Variants in CRIM1 observed in about 807,000 individuals in gnomAD.
CRIM1 encodes cysteine rich transmembrane BMP regulator 1, also known as cysteine-rich motor neuron 1 protein.
In CRIM1, 32 loss-of-function variants were observed where a neutral mutation model predicts 116.4. The ratio of observed to expected loss-of-function variants is 0.27; its 90% CI spans 0.21 to 0.37. CRIM1 has a LOEUF of 0.37. CRIM1 is among the 10% of genes least tolerant of loss of function. The pLI, the probability that CRIM1 is intolerant of heterozygous loss-of-function variation, is 1.00. For missense variants in CRIM1, 1,331 were observed against 1,354.8 expected, an observed-to-expected ratio of 0.98 and a Z score of 0.28; for synonymous variants, 590 against 509.2, an observed-to-expected ratio of 1.16 and a Z score of -2.13.
At chr2:36,427,480 A>C (rs1270500422) in intron 2 of CRIM1, among the ~76,000 whole-genome samples, 1 of 152,192 alleles carries the variant, frequency 6.6e-6, no homozygotes, top group East Asian at 1.9e-4. Flanking sequence ...AGGGTCTTGT[A>C]GACAGAAAGC....
chr2:36,535,783 T>C (rs1666503055), intron 13 of CRIM1, among the ~76,000 whole-genome samples: 2 of 152,154 alleles, frequency 1.3e-5, no homozygotes, highest in Non-Finnish European at 2.9e-5. Flanking sequence ...TCCTTATCCA[T>C]AACCACAGAT....
At position 36,378,806 on chromosome 2, in the gene CRIM1, G is replaced by GGT. The variant is rs1553368331; in HGVS notation, c.332-17808_332-17807insGT. The stretch of plus-strand genomic sequence containing the variant: ...GATGGGAGTTTTTTTGTTGTTTTCG[G>GGT]TTTTTTTTTTTTTTTTTTTTGAGAC... On this transcript the variant is annotated intron_variant, in intron 1 of 16. Transcript: ENST00000280527. 51 of 118,918 alleles carry GGT rather than the reference G, an allele frequency of 4.3e-4. 3 individuals carry two copies. Among genetic ancestry groups the GGT allele is most frequent in the South Asian group, 8.1e-4 (3 of 3,704 alleles). The allele number at this position is 118,918 out of a possible 1,614,324, so 7.4% of individuals were successfully genotyped here. A position where few individuals can be genotyped will look rare whatever the true frequency, so the allele number is the denominator to read the frequency against.
chr2:36,453,635 C>T (rs922245165), intron 4 of CRIM1, among the ~76,000 whole-genome samples: 2 of 152,160 alleles, frequency 1.3e-5, no homozygotes, highest in South Asian at 2.1e-4. Context: ...ATGTGCCAGG[C>T]ATTGGGCTAC....
At chr2:36,531,654 G>C (rs535678712) in intron 13 of CRIM1, among the ~76,000 whole-genome samples, 3 of 152,266 alleles carry the variant, frequency 2.0e-5, no homozygotes, top group African/African-American at 7.2e-5. Context: ...AAAGAGGTAA[G>C]ATAATGAAGT....
At chr2:36,417,529 T>G (rs1039961062) in intron 2 of CRIM1, among the ~76,000 whole-genome samples, 4 of 152,206 alleles carry the variant, frequency 2.6e-5, no homozygotes, top group African/African-American at 9.6e-5. Flanking sequence ...CTCAATCTAT[T>G]TCATTTCAGG....
chr2:36,374,112 T>C lies in CRIM1; in HGVS notation c.331+17489T>C, dbSNP rs116113001. Among the ~76,000 whole-genome samples the C allele has an allele frequency of 2.2e-3, 336 of 152,282 alleles. 1 individual carries two copies. Among genetic ancestry groups the C allele is most frequent in the Middle Eastern group, 0.01 (3 of 294 alleles). On this transcript the variant is annotated intron_variant, in intron 1 of 16. Coordinates refer to ENST00000280527, the MANE Select transcript of CRIM1 (RefSeq NM_016441.3). ...ATACTATGTGTCAAGAAAGGTAGAC[T>C]CAAAAAGGATTGATGCAGATATTCC...
At chr2:36,528,144 AAC>A (rs1457661592) in intron 13 of CRIM1, among the ~76,000 whole-genome samples, 1 of 152,248 alleles carries the variant, frequency 6.6e-6, no homozygotes, top group Admixed American at 6.5e-5. Flanking sequence ...CTGCTCTCGT[AAC>A]ACAGATTGCA....
At chr2:36,365,700 C>A (rs1358169259) in intron 1 of CRIM1, among the ~76,000 whole-genome samples, 1 of 151,124 alleles carries the variant, frequency 6.6e-6, no homozygotes, top group Non-Finnish European at 1.5e-5. Flanking sequence ...GGGTATGGTC[C>A]CATTTTAGGA....
chr2:36,537,239 A>G (rs1666611633), intron 13 of CRIM1, 113 bp from the exon 14 acceptor site: 1 of 976,912 alleles, frequency 1.0e-6, no homozygotes. Context: ...CAAGTTCCAG[A>G]AGTCCTAAAG....
rs115877719 is a variant in CRIM1, at chr2:36,364,449, T to C, written c.331+7826T>C. On this transcript the variant is annotated intron_variant, in intron 1 of 16. Transcript: ENST00000280527. The stretch of plus-strand genomic sequence containing the variant: ...AAAGCAGACAATTCATTACAATCAG[T>C]TCAGTAAGCCATGAGATAACGGAAA... Among the ~76,000 whole-genome samples the C allele has an allele frequency of 5.1e-3, 780 of 152,266 alleles. 9 individuals are homozygous for C. The highest frequency in any genetic ancestry group is 0.018 in the African/African-American group (736 of 41,544).
intron 1 of CRIM1, among the ~76,000 whole-genome samples, chr2:36,360,426 C>T (rs1669143245): frequency 6.6e-6 from 1 of 152,174 alleles, no homozygotes; most frequent in African/African-American, 2.4e-5. Context: ...CCATCTTTTT[C>T]ACCATTGCTA....
At chr2:36,500,791 AGAGTT>A (rs1159377548) in intron 8 of CRIM1, among the ~76,000 whole-genome samples, 1 of 152,368 alleles carries the variant, frequency 6.6e-6, no homozygotes, top group Non-Finnish European at 1.5e-5. Flanking sequence ...TACCTTGAGT[AGAGTT>A]ATTTAGCTGA....
intron 8 of CRIM1, among the ~76,000 whole-genome samples, chr2:36,500,709 T>C (rs894402340): frequency 6.6e-6 from 1 of 152,178 alleles, no homozygotes; most frequent in African/African-American, 2.4e-5. Context: ...TAAAATAAAC[T>C]GCACAGAACC....
intron 2 of CRIM1, among the ~76,000 whole-genome samples, chr2:36,397,781 T>G (rs1672131747): frequency 6.6e-6 from 1 of 152,210 alleles, no homozygotes; most frequent in African/African-American, 2.4e-5. Context: ...TTTCTCTTTG[T>G]ATTTACCAGT....
chr2:36,468,871 C>G (rs151329995), intron 5 of CRIM1, among the ~76,000 whole-genome samples: 11 of 152,092 alleles, frequency 7.2e-5, no homozygotes, highest in African/African-American at 2.7e-4. Context: ...ATTTGTCCAA[C>G]GTATATACAC....
rs377055478 is a variant in CRIM1 at position 36,360,632 on chromosome 2, G to A, written c.331+4009G>A. ...TTTCTTTGCTTATCCCTGGAAGACA[G>A]TCAGTGAAGATGATGGCTGCTTGGA... is the stretch of plus-strand genomic sequence containing the variant. On this transcript the variant is annotated intron_variant, in intron 1 of 16. Transcript: ENST00000280527. 5.3e-5 allele frequency among the ~76,000 whole-genome samples: 8 copies of A among 152,256 alleles called. No homozygotes were observed. In the South Asian group the frequency reaches 1.0e-3, roughly 20 times the overall value.
chr2:36,448,857 G>A (rs1676462304), intron 4 of CRIM1, among the ~76,000 whole-genome samples: 1 of 152,080 alleles, frequency 6.6e-6, no homozygotes, highest in Non-Finnish European at 1.5e-5. Context: ...TGGGTTGTGT[G>A]CATTTCAGAA....
At chr2:36,461,196 A>T (rs1456583506) in intron 4 of CRIM1, among the ~76,000 whole-genome samples, 1 of 152,134 alleles carries the variant, frequency 6.6e-6, no homozygotes, top group African/African-American at 2.4e-5. Flanking sequence ...AGACGTGGGC[A>T]GGGGGAGATT....
intron 11 of CRIM1, among the ~76,000 whole-genome samples, chr2:36,515,115 T>G (rs1343688937): frequency 6.6e-6 from 1 of 152,184 alleles, no homozygotes; most frequent in Admixed American, 6.5e-5. Flanking sequence ...GGAAAAATCA[T>G]GTGTTTGCAT....
Sources: allele counts gnomAD v4.1 joint callset (sites outside exome capture counted in the v4.1 genomes callset), GRCh38; gene constraint gnomAD v4.1.1; transcripts MANE v1.5; gene names NCBI Gene and HGNC (gene_info 2026-07-23, HGNC 2026-07-21).